Variants in KCNB2 observed in about 807,000 individuals in gnomAD.
The protein encoded by KCNB2 is potassium voltage-gated channel subfamily B member 2, also known as delayed rectifier potassium channel protein.
KCNB2 carries 15 observed loss-of-function variants against 61.5 expected under a neutral mutation model. The observed-to-expected ratio is 0.24, with a 90% CI of 0.16 to 0.38. The LOEUF (loss-of-function observed/expected upper bound fraction) is 0.38, where lower values mean the gene tolerates loss of function less well. Among genes scored for constraint, KCNB2 ranks in the 10% least tolerant of loss-of-function variants. KCNB2 has a pLI of 1.00. For missense variants in KCNB2, 828 were observed against 1,125.2 expected (o/e 0.74, Z 3.78); for synonymous variants, 457 against 446.0 (o/e 1.02, Z -0.31).
At chr8:72,833,576 T>C (rs1809732845) in intron 2 of KCNB2, among the ~76,000 whole-genome samples, 1 of 152,128 alleles carries the variant, frequency 6.6e-6, no homozygotes, top group Non-Finnish European at 1.5e-5. Context: ...GGGTGGGAGA[T>C]AGCAGAAGGC....
intron 2 of KCNB2, among the ~76,000 whole-genome samples, chr8:72,733,403 A>G (rs1807783806): frequency 6.6e-6 from 1 of 152,142 alleles, no homozygotes. Context: ...TGAGTCTTCC[A>G]TTCTTGACCA....
intron 1 of KCNB2, among the ~76,000 whole-genome samples, chr8:72,546,306 G>C (rs1475961878): frequency 6.6e-6 from 1 of 152,128 alleles, no homozygotes. Context: ...ACAAGGTCAG[G>C]AGTTCAAGAC....
intron 2 of KCNB2, among the ~76,000 whole-genome samples, chr8:72,592,924 G>A (rs1454537685): frequency 6.6e-6 from 1 of 152,148 alleles, no homozygotes; most frequent in African/African-American, 2.4e-5. Flanking sequence ...GAAAGAAAAT[G>A]CAAGTTGGTC....
At chr8:72,681,938 A>G (rs191498613) in intron 2 of KCNB2, among the ~76,000 whole-genome samples, 58 of 152,354 alleles carry the variant, frequency 3.8e-4, no homozygotes, top group Non-Finnish European at 5.6e-4. Flanking sequence ...TGGTCCTTCA[A>G]TGAGTGTTCT....
chr8:72,728,050 T>C lies in KCNB2; in HGVS notation c.579+159737T>C, dbSNP rs575555316. 3.9e-5 allele frequency among the ~76,000 whole-genome samples: 6 copies of C among 152,238 alleles called. No individual in the cohort carries two copies. In the East Asian group the frequency reaches 1.2e-3, roughly 29 times the overall value. On this transcript the variant is annotated intron_variant, in intron 2 of 2. Transcript: ENST00000523207. The stretch of plus-strand genomic sequence containing the variant: ...CAGAAAACAGCATGCAGTCTCCTTG[T>C]TGGGTAACTTGTAATTGTCCTGTTA...
intron 2 of KCNB2, among the ~76,000 whole-genome samples, chr8:72,581,289 T>A (rs1489969324): frequency 6.6e-6 from 1 of 152,174 alleles, no homozygotes; most frequent in African/African-American, 2.4e-5. Flanking sequence ...TATGTCACGC[T>A]CCTGTGAGGT....
chr8:72,794,624 G>A (rs1211518619), intron 2 of KCNB2, among the ~76,000 whole-genome samples: 2 of 150,546 alleles, frequency 1.3e-5, no homozygotes, highest in Non-Finnish European at 2.9e-5. Flanking sequence ...GGATAGAGAA[G>A]GCTAGGAGAG....
At chr8:72,708,168 T>TC (rs575915923) in intron 2 of KCNB2, among the ~76,000 whole-genome samples, 123 of 152,206 alleles carry the variant, frequency 8.1e-4, no homozygotes, top group African/African-American at 2.6e-3. Context: ...TGTGGTCCAG[T>TC]CCAGGTAGCC....
rs1810264452 is a variant in KCNB2, at chr8:72,859,706, C to CTTTTTTTTTTT, written c.580-76229_580-76228insTTTTTTTTTTT. Among the ~76,000 whole-genome samples, 22 of 73,448 alleles carry CTTTTTTTTTTT rather than the reference C, an allele frequency of 3.0e-4. 8 individuals are homozygous for CTTTTTTTTTTT. Among genetic ancestry groups the CTTTTTTTTTTT allele is most frequent in the African/African-American group, 8.8e-4 (15 of 17,018 alleles). 48.2% of individuals were successfully genotyped at this position (73,448 alleles called of 152,430 possible). A position where few individuals can be genotyped will look rare whatever the true frequency, so the allele number is the denominator to read the frequency against. ...TGTAGCATGGATCAGTACTTCATTT[C>CTTTTTTTTTTT]GTTTTTTTTTTTTTTTTTTTTTTTT... is the stretch of plus-strand genomic sequence containing the variant. On this transcript the variant is annotated intron_variant, in intron 2 of 2. Coordinates refer to ENST00000523207, the MANE Select transcript of KCNB2 (RefSeq NM_004770.3).
rs568963036 is a variant in KCNB2, at chr8:72,612,573, T to C, written c.579+44260T>C. ...TATGGTACTTAGAAACACTTGCCCC[T>C]GAAAATCTGGTTCTAATTTAGGTCT... is the stretch of plus-strand genomic sequence containing the variant. On this transcript the variant is annotated intron_variant, in intron 2 of 2. Coordinates refer to ENST00000523207, the MANE Select transcript of KCNB2 (RefSeq NM_004770.3). Among the ~76,000 whole-genome samples the C allele has an allele frequency of 1.2e-3, 179 of 152,278 alleles. 1 individual carries two copies. Among genetic ancestry groups the C allele is most frequent in the African/African-American group, 3.6e-3 (148 of 41,560 alleles).
At chr8:72,660,656 A>C (rs187681823) in intron 2 of KCNB2, 1 of 152,170 alleles carries the variant, frequency 6.6e-6, no homozygotes, top group East Asian at 1.9e-4. Context: ...CTTTTCTTTC[A>C]TGGGAAATAG....
intron 1 of KCNB2, among the ~76,000 whole-genome samples, chr8:72,548,653 G>GT (rs937000037): frequency 2.6e-5 from 4 of 151,290 alleles, no homozygotes; most frequent in South Asian, 2.1e-4. Flanking sequence ...AAGTCATTGG[G>GT]TTTTTTTTTC....
intron 2 of KCNB2, among the ~76,000 whole-genome samples, chr8:72,834,567 G>T (rs752228802): frequency 1.3e-5 from 2 of 152,114 alleles, no homozygotes; most frequent in East Asian, 1.9e-4. Flanking sequence ...CTTGCTGGAA[G>T]TCCTGAGCCA....
At chr8:72,566,895 CAG>C (rs1174432730) in intron 1 of KCNB2, among the ~76,000 whole-genome samples, 3 of 151,976 alleles carry the variant, frequency 2.0e-5, no homozygotes, top group Non-Finnish European at 2.9e-5. Context: ...CAGGATTTCA[CAG>C]AGTTTTAGTG....
At chr8:72,721,731 G>A (rs1807553172) in intron 2 of KCNB2, among the ~76,000 whole-genome samples, 1 of 152,168 alleles carries the variant, frequency 6.6e-6, no homozygotes, top group African/African-American at 2.4e-5. Context: ...GGAGCAGGGA[G>A]GGTCTGGAAT....
chr8:72,769,619 G>A (rs1456177714), intron 2 of KCNB2, among the ~76,000 whole-genome samples: 3 of 152,144 alleles, frequency 2.0e-5, no homozygotes, highest in Non-Finnish European at 2.9e-5. Context: ...CTGGAGGCTT[G>A]GAGAGTGAGT....
At chr8:72,935,223 T>G (rs1490918885) in intron 2 of KCNB2, among the ~76,000 whole-genome samples, 1 of 152,172 alleles carries the variant, frequency 6.6e-6, no homozygotes, top group African/African-American at 2.4e-5. Flanking sequence ...TCCTTCCGTG[T>G]CTGACATCAT....
intron 2 of KCNB2, among the ~76,000 whole-genome samples, chr8:72,931,816 C>T (rs764261136): frequency 6.6e-6 from 1 of 152,152 alleles, no homozygotes; most frequent in Non-Finnish European, 1.5e-5. Flanking sequence ...CATTTGAGAC[C>T]AGCCTGGCCA....
chr8:72,930,077 G>T (rs537201649), intron 2 of KCNB2, among the ~76,000 whole-genome samples: 73 of 151,458 alleles, frequency 4.8e-4, no homozygotes, highest in African/African-American at 1.7e-3. Context: ...ACAATAGTTT[G>T]CTGAGAATGA....
Sources: gnomAD v4.1 joint callset for allele counts (sites outside exome capture counted in the v4.1 genomes callset) on GRCh38, gnomAD v4.1.1 for gene constraint, MANE v1.5 for transcripts, NCBI Gene and HGNC (gene_info 2026-07-23, HGNC 2026-07-21) for gene names.